Variants in KCND2 observed in about 807,000 individuals in gnomAD.
KCND2 encodes the protein potassium voltage-gated channel subfamily D member 2.
A neutral mutation model predicts 54.4 loss-of-function variants in KCND2; 16 were observed. That is an observed-to-expected ratio of 0.29 (90% CI 0.20 to 0.45). The LOEUF is 0.45. KCND2 is among the 20% of genes least tolerant of loss of function. The pLI is 1.00. For missense variants in KCND2, 486 were observed against 824.2 expected (o/e 0.59, Z 5.02); for synonymous variants, 317 against 310.7 (o/e 1.02, Z -0.21).
At chr7:120,474,710 A>C (rs1162969772) in intron 1 of KCND2, among the ~76,000 whole-genome samples, 3 of 151,956 alleles carry the variant, frequency 2.0e-5, no homozygotes, top group Non-Finnish European at 4.4e-5. Context: ...TGATTTATCT[A>C]ACACCCTCTA....
At chr7:120,388,791 A>G (rs1801027486) in intron 1 of KCND2, among the ~76,000 whole-genome samples, 1 of 151,714 alleles carries the variant, frequency 6.6e-6, no homozygotes, top group South Asian at 2.1e-4. Context: ...AATTAATATA[A>G]TCCTGCTGTG....
At chr7:120,497,256 G>A (rs1802862321) in intron 1 of KCND2, among the ~76,000 whole-genome samples, 2 of 152,136 alleles carry the variant, frequency 1.3e-5, no homozygotes, top group Non-Finnish European at 2.9e-5. Context: ...CTGTGGACAA[G>A]CTTTCAATGT....
At chr7:120,321,407 T>TA (rs2116330535) in intron 1 of KCND2, among the ~76,000 whole-genome samples, 1 of 152,246 alleles carries the variant, frequency 6.6e-6, no homozygotes, top group African/African-American at 2.4e-5. Context: ...GCTTCAGTGT[T>TA]ATAGGCATGA....
intron 1 of KCND2, among the ~76,000 whole-genome samples, chr7:120,650,574 C>T (rs1791717339): frequency 7.0e-6 from 1 of 143,618 alleles, no homozygotes; most frequent in Admixed American, 6.7e-5. Flanking sequence ...CCTCCTTTAG[C>T]TCGGAGAAGT....
chr7:120,415,113 T>A, intron 1 of KCND2, among the ~76,000 whole-genome samples: 1 of 152,170 alleles, frequency 6.6e-6, no homozygotes, highest in South Asian at 2.1e-4. Flanking sequence ...TATAACTACT[T>A]TATATTTGTT....
chr7:120,607,759 C>T (rs955595609), intron 1 of KCND2, among the ~76,000 whole-genome samples: 16 of 151,988 alleles, frequency 1.1e-4, no homozygotes, highest in African/African-American at 3.6e-4. Flanking sequence ...GGGGAAGATA[C>T]ACAAGGGCTG....
intron 1 of KCND2, among the ~76,000 whole-genome samples, chr7:120,697,821 A>T (rs1273468870): frequency 3.3e-5 from 5 of 152,236 alleles, no homozygotes; most frequent in Non-Finnish European, 7.3e-5. Flanking sequence ...AACATTATGT[A>T]TCAAGTGGTG....
At chr7:120,507,549 C>T (rs997179919) in intron 1 of KCND2, among the ~76,000 whole-genome samples, 2 of 151,862 alleles carry the variant, frequency 1.3e-5, no homozygotes, top group African/African-American at 4.8e-5. Context: ...TGTGAACATG[C>T]CCATTGCTCT....
intron 1 of KCND2, among the ~76,000 whole-genome samples, chr7:120,354,943 T>C (rs980359940): frequency 2.6e-5 from 4 of 152,154 alleles, no homozygotes; most frequent in African/African-American, 9.7e-5. Context: ...ATGAGTAACA[T>C]TAAAACACTT....
intron 1 of KCND2, among the ~76,000 whole-genome samples, chr7:120,730,882 C>A (rs1274966676): frequency 1.3e-5 from 2 of 152,192 alleles, no homozygotes; most frequent in South Asian, 2.1e-4. Context: ...GGCTACCTCT[C>A]AAGATACAAT....
intron 1 of KCND2, among the ~76,000 whole-genome samples, chr7:120,509,534 G>A (rs140826375): frequency 6.6e-6 from 1 of 152,034 alleles, no homozygotes; most frequent in Non-Finnish European, 1.5e-5. Flanking sequence ...AAATTTACTA[G>A]CTTCACAGAG....
rs558521000 is a variant in KCND2 at position 120,284,313 on chromosome 7, G to A, written c.1115+8566G>A. Among the ~76,000 whole-genome samples, 69 of 151,856 alleles carry A rather than the reference G, an allele frequency of 4.5e-4. No individual in the cohort carries two copies. The South Asian group carries it at 6.7e-3, about 15-fold the overall frequency. ...TGCACACGCACACACACACACGCGC[G>A]CACACTCCAACCATTCGCTGGTTTC... On this transcript the variant is annotated intron_variant, in intron 1 of 5. Transcript: ENST00000331113.
At chr7:120,440,697 T>C (rs1333280904) in intron 1 of KCND2, among the ~76,000 whole-genome samples, 1 of 152,072 alleles carries the variant, frequency 6.6e-6, no homozygotes, top group Admixed American at 6.6e-5. Flanking sequence ...GTTTCATTTA[T>C]CTGTATGTGG....
At chr7:120,344,505 C>T (rs1037146636) in intron 1 of KCND2, among the ~76,000 whole-genome samples, 8 of 151,954 alleles carry the variant, frequency 5.3e-5, no homozygotes, top group African/African-American at 1.2e-4. Context: ...GGCTTGAGGC[C>T]GTTTATAAGA....
At chr7:120,498,301 G>A (rs532299377) in intron 1 of KCND2, among the ~76,000 whole-genome samples, 4 of 152,120 alleles carry the variant, frequency 2.6e-5, no homozygotes, top group Non-Finnish European at 5.9e-5. Context: ...CTAACATGGT[G>A]AAACCCCGTG....
chr7:120,290,148 G>A (rs1348018937), intron 1 of KCND2, among the ~76,000 whole-genome samples: 6 of 151,932 alleles, frequency 3.9e-5, no homozygotes, highest in Non-Finnish European at 7.4e-5. Flanking sequence ...TTGCTTTGCC[G>A]ATCATGGATG....
At chr7:120,434,843 G>A (rs973929568) in intron 1 of KCND2, among the ~76,000 whole-genome samples, 1 of 151,848 alleles carries the variant, frequency 6.6e-6, no homozygotes, top group Non-Finnish European at 1.5e-5. Flanking sequence ...ACTTTTCCAG[G>A]TGTGAGCTAT....
chr7:120,424,209 C>A (rs558106079), intron 1 of KCND2, among the ~76,000 whole-genome samples: 3 of 152,158 alleles, frequency 2.0e-5, no homozygotes, highest in Admixed American at 2.0e-4. Flanking sequence ...GAAATCAGAT[C>A]ATTGACATTC....
chr7:120,715,986 C>T (rs1422307706), intron 1 of KCND2, among the ~76,000 whole-genome samples: 10 of 150,440 alleles, frequency 6.6e-5, no homozygotes, highest in South Asian at 6.3e-4. Context: ...TTTTTGTTCA[C>T]GCTCACTCAG....
Sources: gnomAD v4.1 joint callset for allele counts (sites outside exome capture counted in the v4.1 genomes callset) on GRCh38, gnomAD v4.1.1 for gene constraint, MANE v1.5 for transcripts, NCBI Gene and HGNC (gene_info 2026-07-23, HGNC 2026-07-21) for gene names.